SDC2: variants seen among roughly 807,000 people sequenced by gnomAD.
SDC2 encodes the protein syndecan-2.
SDC2 carries 13 observed loss-of-function variants against 22.2 expected under a neutral mutation model. The ratio of observed to expected loss-of-function variants is 0.59; its 90% CI spans 0.38 to 0.93. SDC2 has a LOEUF of 0.93. Ranked by LOEUF, SDC2 falls within the 40% of genes least tolerant of loss-of-function variation. SDC2 has a pLI of 0.00. For synonymous variants in SDC2, 94 were observed against 92.8 expected, an observed-to-expected ratio of 1.01 and a Z score of -0.07; for missense variants, 235 against 246.8, an observed-to-expected ratio of 0.95 and a Z score of 0.32.
Position 96,581,633 on chromosome 8 carries a change from T to TAA in SDC2, c.61-11835_61-11834dup, listed in dbSNP as rs5893393. Among the ~76,000 whole-genome samples the TAA allele has an allele frequency of 6.8e-3, 985 of 145,774 alleles. 12 individuals are homozygous for TAA. Among genetic ancestry groups the TAA allele is most frequent in the African/African-American group, 0.023 (894 of 39,458 alleles). On this transcript the variant is annotated intron_variant, in intron 1 of 4. Coordinates refer to ENST00000302190, the MANE Select transcript of SDC2 (RefSeq NM_002998.4). ...GGCGACAGAGCGAGACTCTGTCTCT[T>TAA]AAAAAAAAAAAAAGGTAAAAGAGTA...
chr8:96,580,964 G>A (rs1814579406), intron 1 of SDC2, among the ~76,000 whole-genome samples: 1 of 152,112 alleles, frequency 6.6e-6, no homozygotes. Flanking sequence ...GCTTGCCTCA[G>A]AACTAGTAGA....
rs1372034147 is a variant in SDC2, at chr8:96,509,036, C to T, written c.60+14705C>T. Among the ~76,000 whole-genome samples, 5 of 142,332 alleles carry T rather than the reference C, an allele frequency of 3.5e-5. No individual in the cohort carries two copies. The South Asian group carries it at 9.0e-4, about 25-fold the overall frequency. The allele number at this position is 142,332 out of a possible 152,430, so 93.4% of individuals were successfully genotyped here. A position where few individuals can be genotyped will look rare whatever the true frequency, so the allele number is the denominator to read the frequency against. ...TTCTTTACCAACTTTTAGCATATTG[C>T]TTTAATGGCTTCTCTCTGCAAACTT... On this transcript the variant is annotated intron_variant, in intron 1 of 4. Coordinates refer to ENST00000302190, the MANE Select transcript of SDC2 (RefSeq NM_002998.4).
At chr8:96,570,072 A>T (rs956400739) in intron 1 of SDC2, among the ~76,000 whole-genome samples, 1 of 152,180 alleles carries the variant, frequency 6.6e-6, no homozygotes, top group Non-Finnish European at 1.5e-5. Flanking sequence ...AAGTGCCTTA[A>T]ATGTTAACTG....
intron 1 of SDC2, among the ~76,000 whole-genome samples, chr8:96,556,826 AGTGAACAG>A (rs1457079202): frequency 6.6e-6 from 1 of 151,496 alleles, no homozygotes; most frequent in African/African-American, 2.4e-5. Context: ...CTACCATCAG[AGTGAACAG>A]GCAACCTACA....
intron 3 of SDC2, among the ~76,000 whole-genome samples, chr8:96,606,856 A>G (rs1019980082): frequency 2.8e-4 from 43 of 152,272 alleles, no homozygotes; most frequent in African/African-American, 9.9e-4. Context: ...AAGAAGTGCA[A>G]CATTTGGACT....
chr8:96,494,477 C>T (rs943040542), intron 1 of SDC2, 146 bp downstream of exon 1: 1 of 712,336 alleles, frequency 1.4e-6, no homozygotes, highest in Non-Finnish European at 2.2e-6. Flanking sequence ...TGCGCTCGTC[C>T]GGTCACCCTT....
intron 1 of SDC2, among the ~76,000 whole-genome samples, chr8:96,509,161 A>G (rs2582817): frequency 0.1 from 14,150 of 141,568 alleles, 2,600 homozygotes; most frequent in African/African-American, 0.21. Context: ...TAACCTCTCT[A>G]TGCTTCCATT....
At chr8:96,547,347 A>C (rs1160817273) in intron 1 of SDC2, among the ~76,000 whole-genome samples, 1 of 152,218 alleles carries the variant, frequency 6.6e-6, no homozygotes, top group Non-Finnish European at 1.5e-5. Context: ...CTCCACTTAC[A>C]GTGTGAGCCA....
chr8:96,495,233 C>G (rs1813051809), intron 1 of SDC2, among the ~76,000 whole-genome samples: 1 of 152,224 alleles, frequency 6.6e-6, no homozygotes, highest in Admixed American at 6.5e-5. Flanking sequence ...TGGCGGGGCG[C>G]TTCTGGGGCC....
chr8:96,571,885 G>A (rs927079965), intron 1 of SDC2, among the ~76,000 whole-genome samples: 12 of 152,212 alleles, frequency 7.9e-5, no homozygotes, highest in African/African-American at 2.9e-4. Context: ...GGATCCTGGC[G>A]CTGTGAAGTC....
At chr8:96,505,979 T>G (rs539787957) in intron 1 of SDC2, among the ~76,000 whole-genome samples, 1 of 152,248 alleles carries the variant, frequency 6.6e-6, no homozygotes, top group South Asian at 2.1e-4. Flanking sequence ...TGCATCAGTT[T>G]ATGTTGAATC....
Position 96,564,252 on chromosome 8 carries a change from C to T in SDC2, c.61-29228C>T, listed in dbSNP as rs114848120. ...CAACCACCTGTATCATTAGTGTTGG[C>T]GGGGAAAGGAGGGGTGAGGAGTCAC... is the stretch of plus-strand genomic sequence containing the variant. On this transcript the variant is annotated intron_variant, in intron 1 of 4. Transcript: ENST00000302190. 9.6e-4 allele frequency among the ~76,000 whole-genome samples: 146 copies of T among 152,136 alleles called. 1 individual carries two copies. The highest frequency in any genetic ancestry group is 3.4e-3 in the African/African-American group (140 of 41,496).
At chr8:96,542,718 T>C (rs938119877) in intron 1 of SDC2, among the ~76,000 whole-genome samples, 4 of 151,820 alleles carry the variant, frequency 2.6e-5, no homozygotes, top group African/African-American at 9.7e-5. Context: ...AGGGCGGGGG[T>C]AAGTCAGAAT....
At chr8:96,588,266 A>G (rs1350265636) in intron 1 of SDC2, among the ~76,000 whole-genome samples, 1 of 152,284 alleles carries the variant, frequency 6.6e-6, no homozygotes. Flanking sequence ...CTTGGTGACT[A>G]TAGTGTCCAG....
At chr8:96,548,888 A>G (rs945439114) in intron 1 of SDC2, among the ~76,000 whole-genome samples, 1 of 152,184 alleles carries the variant, frequency 6.6e-6, no homozygotes, top group African/African-American at 2.4e-5. Flanking sequence ...TGGCAGTGAA[A>G]AAGCTTTGAC....
intron 1 of SDC2, among the ~76,000 whole-genome samples, chr8:96,499,151 A>G (rs1311994391): frequency 6.6e-6 from 1 of 152,138 alleles, no homozygotes; most frequent in Non-Finnish European, 1.5e-5. Flanking sequence ...CTCCCTGGAC[A>G]TTGCTACTTT....
At chr8:96,522,042 G>A (rs959183068) in intron 1 of SDC2, among the ~76,000 whole-genome samples, 24 of 152,274 alleles carry the variant, frequency 1.6e-4, no homozygotes, top group African/African-American at 5.8e-4. Flanking sequence ...GTCTTTTTCT[G>A]TAGTCCTACC....
chr8:96,606,836 CAGAT>C (rs1174040369), intron 3 of SDC2, among the ~76,000 whole-genome samples: 12 of 152,230 alleles, frequency 7.9e-5, no homozygotes, highest in African/African-American at 2.9e-4. Flanking sequence ...TAAGGACAAA[CAGAT>C]AGTAAAAGAA....
chr8:96,516,745 G>A (rs1813407944), intron 1 of SDC2, among the ~76,000 whole-genome samples: 1 of 152,278 alleles, frequency 6.6e-6, no homozygotes, highest in South Asian at 2.1e-4. Context: ...TCATGTTGTA[G>A]CACTAGTACT....
Sources: gnomAD v4.1 joint callset for allele counts (sites outside exome capture counted in the v4.1 genomes callset) on GRCh38, gnomAD v4.1.1 for gene constraint, MANE v1.5 for transcripts, NCBI Gene and HGNC (gene_info 2026-07-23, HGNC 2026-07-21) for gene names.